Variants in ZBTB45 observed in about 807,000 individuals in gnomAD.
ZBTB45 encodes zinc finger and BTB domain-containing protein 45.
Under a neutral mutation model 28.4 loss-of-function variants are expected in ZBTB45, and 22 were observed. The ratio of observed to expected loss-of-function variants is 0.77; its 90% confidence interval spans 0.55 to 1.10. The LOEUF is 1.10. Among genes scored for constraint, ZBTB45 ranks in the 50% least tolerant of loss-of-function variants. The pLI, the probability that ZBTB45 is intolerant of heterozygous loss-of-function variation, is 0.00. For missense variants in ZBTB45, 656 were observed against 750.2 expected (o/e 0.87, Z 1.47); for synonymous variants, 361 against 332.3 (o/e 1.09, Z -0.94).
At chr19:58,520,546 C>T (rs139357507), upstream of ZBTB45, among the ~76,000 whole-genome samples, 5 of 152,206 alleles carry the variant, frequency 3.3e-5, no homozygotes, top group East Asian at 1.9e-4. Flanking sequence ...TAAGGTTACT[C>T]ATTAGCTGAT....
In ZBTB45 at chr19:58,516,955, C is replaced by T. The variant is rs2053510862; in HGVS notation, c.719G>A (p.Cys240Tyr). The T allele has an allele frequency of 1.2e-6, 2 of 1,613,314 alleles. No individual in the cohort carries two copies. The highest frequency in any genetic ancestry group is 1.7e-6 in the Non-Finnish European group (2 of 1,180,024). The change falls in exon 2 of 3, where the codon TGT becomes TAT. Residue 240 changes from cysteine (C) to tyrosine (Y), a missense_variant. Coordinates refer to ENST00000594051, the MANE Select transcript of ZBTB45 (RefSeq NM_001316979.2). The surrounding 1 kb of genome is among the most constrained non-coding windows in gnomAD (Gnocchi z 6.2). The stretch of plus-strand genomic sequence containing the variant: ...AGCAGCAGTGAGGAAGCCAGCAGCA[C>T]AGTCTGGGAAGGAAGGAGGTGCCTG... ...EGQAPPSFPD[C>Y]AAGFLTAAAD...
intron 1 of ZBTB45, among the ~76,000 whole-genome samples, chr19:58,530,747 G>A (rs1251747708): frequency 2.7e-5 from 4 of 150,228 alleles, no homozygotes; most frequent in South Asian, 2.1e-4. Context: ...GCAGTGGCGC[G>A]ATCTTGGATC....
chr19:58,534,060 G>C (rs984582585), intron 1 of ZBTB45, among the ~76,000 whole-genome samples: 2 of 152,168 alleles, frequency 1.3e-5, no homozygotes, highest in Non-Finnish European at 1.5e-5. Context: ...AAGGGACATG[G>C]GCTTCTGAGA....
At chr19:58,519,390 G>GC (rs1350403975) in intron 1 of ZBTB45, 1 of 152,218 alleles carries the variant, frequency 6.6e-6, no homozygotes, top group Non-Finnish European at 1.5e-5. Context: ...TCCCGACGCC[G>GC]CAAGGCCGGC....
At position 58,515,174 on chromosome 19, in the gene ZBTB45, G is replaced by A. The variant is rs889141788; in HGVS notation, c.1280-864C>T. Among the ~76,000 whole-genome samples, 1 of 151,952 alleles carries A rather than the reference G, an allele frequency of 6.6e-6. No individual in the cohort carries two copies. The highest frequency in any genetic ancestry group is 1.5e-5 in the Non-Finnish European group (1 of 67,984). ...CTACTAAAAATACAAAAAATAGCCG[G>A]GTGTGGTGGTGCACGCCTGTAATCC... On this transcript the variant is annotated intron_variant, in intron 2 of 2. Transcript: ENST00000594051. The surrounding 1 kb of genome is among the most constrained non-coding windows in gnomAD (Gnocchi z 4.7).
At chr19:58,532,576 C>T (rs1464672213) in intron 1 of ZBTB45, among the ~76,000 whole-genome samples, 1 of 152,044 alleles carries the variant, frequency 6.6e-6, no homozygotes, top group East Asian at 1.9e-4. Flanking sequence ...GATGGAGTTT[C>T]GCGCTTATCG....
At chr19:58,534,970 C>T (rs151087635) in intron 1 of ZBTB45, among the ~76,000 whole-genome samples, 1 of 151,978 alleles carries the variant, frequency 6.6e-6, no homozygotes, top group Admixed American at 6.6e-5. Context: ...ATTCTCATGC[C>T]TCAGCCTCCC....
rs1334760356 is a variant in ZBTB45 at position 58,516,817 on chromosome 19, C to G, written c.857G>C (p.Ser286Thr). The G allele has an allele frequency of 2.5e-6, 4 of 1,613,788 alleles. No individual in the cohort carries two copies. The highest frequency in any genetic ancestry group is 3.4e-6 in the Non-Finnish European group (4 of 1,180,012). ...AGSAEDVFPDSYVSTWHDEDG... is the reference protein window; with the variant it reads ...AGSAEDVFPDTYVSTWHDEDG... ...CTCGTCGTGCCAAGTGGATACATAG[C>G]TGTCTGGAAATACGTCCTCAGCTGA... Residue 286 changes from serine (S) to threonine (T), a missense_variant, in exon 2 of 3, where the codon AGC (serine) becomes ACC (threonine). Around this residue, in one of 3 missense-constraint regions of ZBTB45, gnomAD observed 448 missense variants for 444.3 expected, o/e 1.01. Coordinates refer to ENST00000594051, the MANE Select transcript of ZBTB45 (RefSeq NM_001316979.2). The surrounding 1 kb of genome is among the most constrained non-coding windows in gnomAD (Gnocchi z 6.2).
upstream of ZBTB45, among the ~76,000 whole-genome samples, chr19:58,524,405 ATGTG>A (rs541272488): frequency 3.5e-3 from 123 of 35,288 alleles, 1 homozygote; most frequent in African/African-American, 5.1e-3. Flanking sequence ...GTGTATATAT[ATGTG>A]TGTGTGTGTG....
chr19:58,517,929 A>G (rs1207324822), intron 1 of ZBTB45, among the ~76,000 whole-genome samples: 1 of 150,014 alleles, frequency 6.7e-6, no homozygotes, highest in Non-Finnish European at 1.5e-5. Flanking sequence ...ACCCTAGCAC[A>G]CCCCTAGGAG....
chr19:58,514,829 ACT>A (rs1184124081), intron 2 of ZBTB45, among the ~76,000 whole-genome samples: 3 of 151,960 alleles, frequency 2.0e-5, no homozygotes, highest in African/African-American at 7.2e-5. Flanking sequence ...AGTCCCCTAA[ACT>A]CAGTCTGACA....
chr19:58,522,457 C>T (rs528762027), upstream of ZBTB45, among the ~76,000 whole-genome samples: 39 of 151,954 alleles, frequency 2.6e-4, no homozygotes, highest in South Asian at 8.3e-4. Flanking sequence ...CCACTGTGCC[C>T]GGCCTGTCCC....
Position 58,534,052 on chromosome 19 carries a change from G to C in ZBTB45, c.-1+4649C>G, listed in dbSNP as rs527597092. ...TGTGAAGTTAGGGCGTCAGCTACAAGGGACATGGGCTTCTGAGAGCCAGAG... is the reference window on the plus strand; with the variant it reads ...TGTGAAGTTAGGGCGTCAGCTACAACGGACATGGGCTTCTGAGAGCCAGAG... On this transcript the variant is annotated intron_variant, in intron 1 of 1. Coordinates refer to the ZBTB45 transcript ENST00000600130. Among the ~76,000 whole-genome samples, 4 of 152,348 alleles carry C rather than the reference G, an allele frequency of 2.6e-5. No homozygotes were observed. The South Asian group carries it at 8.3e-4, about 32-fold the overall frequency.
At position 58,516,918 on chromosome 19, in the gene ZBTB45, C is replaced by G. The variant is rs139996055; in HGVS notation, c.756G>C (p.Ala252=). ...AGFLTAAADS[A]CEEPPAPTGL... ...CAGTGGGTGCAGGGGGCTCCTCGCA[C>G]GCGCTGTCAGCAGCAGCAGTGAGGA... Residue 252 remains alanine, a synonymous_variant, in exon 2 of 3, where the codon GCG becomes GCC. Transcript: ENST00000594051. This position sits in a 1 kb window ranked among gnomAD's most constrained non-coding sequence, Gnocchi z 6.2. 7.4e-6 allele frequency: 12 copies of G among 1,613,174 alleles called. No homozygotes were observed. Among genetic ancestry groups the G allele is most frequent in the Admixed American group, 1.7e-5 (1 of 60,002 alleles).
rs772268504 is a variant in ZBTB45 at position 58,515,108 on chromosome 19, T to G, written c.1280-798A>C. On this transcript the variant is annotated intron_variant, in intron 2 of 2. Coordinates refer to ENST00000594051, the MANE Select transcript of ZBTB45 (RefSeq NM_001316979.2). The surrounding 1 kb of genome is among the most constrained non-coding windows in gnomAD (Gnocchi z 4.7). The stretch of plus-strand genomic sequence containing the variant: ...GGGAGGCCAAGGCAGGCAGATCGCT[T>G]GAGGCCAGGAGTTCGAGACCAACGT... 3.4e-4 allele frequency among the ~76,000 whole-genome samples: 51 copies of G among 152,146 alleles called. No individual in the cohort carries two copies. Among genetic ancestry groups the G allele is most frequent in the Admixed American group, 1.1e-3 (17 of 15,278 alleles).
chr19:58,525,855 A>G (rs2053604148), intron 1 of ZBTB45, among the ~76,000 whole-genome samples: 1 of 152,226 alleles, frequency 6.6e-6, no homozygotes, highest in South Asian at 2.1e-4. Context: ...ACTGAAAACA[A>G]CACAACTGCC....
intron 1 of ZBTB45, among the ~76,000 whole-genome samples, chr19:58,518,198 C>T (rs1226243726): frequency 1.3e-5 from 2 of 152,164 alleles, no homozygotes; most frequent in Non-Finnish European, 2.9e-5. Context: ...CTTTTGGTTT[C>T]CTTTAGCCAC....
In ZBTB45 at chr19:58,517,195, C is replaced by T. The variant is rs538820950; in HGVS notation, c.479G>A (p.Arg160His). The T allele has an allele frequency of 5.6e-6, 9 of 1,604,944 alleles. No individual in the cohort carries two copies. Among genetic ancestry groups the T allele is most frequent in the East Asian group, 2.2e-5 (1 of 44,708 alleles). Residue 160 changes from arginine (R) to histidine (H), a missense_variant, in exon 2 of 3, where the codon CGT (arginine) becomes CAT (histidine). By Grantham distance (29) the Arg-to-His change is conservative. Around this residue, in one of 3 missense-constraint regions of ZBTB45, gnomAD observed 448 missense variants for 444.3 expected, o/e 1.01. Transcript: ENST00000594051. ...RHRLRHLLAA[R>H]PPGHPGAAHS... ...TGCAGCACCGGGGTGCCCCGGGGGA[C>T]GTGCAGCCAGCAGGTGGCGCAGGCG...
At position 58,514,438 on chromosome 19, in the gene ZBTB45, G is replaced by C. The variant is rs1276947875; in HGVS notation, c.1280-128C>G. ...CCCTCCCCTCCCGAACCACCACCCC[G>C]GGATCCCTTGCCTATCAGAGAACCC... On this transcript the variant is annotated intron_variant, in intron 2 of 2. Transcript: ENST00000594051. The C allele has an allele frequency of 2.5e-6, 3 of 1,182,084 alleles. No homozygotes were observed. In the African/African-American group the frequency reaches 5.6e-5, roughly 22 times the overall value. 73.2% of individuals were successfully genotyped at this position (1,182,084 alleles called of 1,614,324 possible).
Sources: gnomAD v4.1 joint callset for allele counts (sites outside exome capture counted in the v4.1 genomes callset) on GRCh38, gnomAD v4.1.1 for gene constraint, gnomAD v4.1.1 regional missense constraint, Gnocchi (gnomAD v3.1) non-coding constraint, MANE v1.5 for transcripts, NCBI Gene and HGNC (gene_info 2026-07-23, HGNC 2026-07-21) for gene names.